PTPRR: variants seen among roughly 807,000 people sequenced by gnomAD.
PTPRR encodes protein tyrosine phosphatase receptor type R.
A neutral mutation model predicts 77.2 loss-of-function variants in PTPRR; 38 were observed. That is an observed-to-expected ratio of 0.49 (90% CI 0.38 to 0.65). The LOEUF (loss-of-function observed/expected upper bound fraction) is 0.65, where lower values mean the gene tolerates loss of function less well. PTPRR is among the 30% of genes least tolerant of loss of function. The pLI is 0.00. For synonymous variants in PTPRR, 299 were observed against 283.1 expected (o/e 1.06, Z -0.57); for missense variants, 744 against 799.2 (o/e 0.93, Z 0.83).
intron 2 of PTPRR, among the ~76,000 whole-genome samples, chr12:70,879,786 A>G (rs546790247): frequency 6.6e-6 from 1 of 152,336 alleles, no homozygotes; most frequent in African/African-American, 2.4e-5. Context: ...AGAATATGTT[A>G]CAGAAAAGAT....
chr12:70,754,467 C>T, intron 4 of PTPRR, 166 bp from the exon 5 acceptor site: 1 of 1,561,594 alleles, frequency 6.4e-7, no homozygotes. Context: ...AGACAACAGA[C>T]TGCCATCCTT....
intron 2 of PTPRR, among the ~76,000 whole-genome samples, chr12:70,876,659 G>A (rs1893057080): frequency 6.6e-6 from 1 of 152,148 alleles, no homozygotes; most frequent in South Asian, 2.1e-4. Context: ...TAGAGTGTGT[G>A]TTTAATTGTA....
chr12:70,776,645 G>A (rs567620067), intron 2 of PTPRR, among the ~76,000 whole-genome samples: 20 of 152,016 alleles, frequency 1.3e-4, no homozygotes, highest in African/African-American at 2.4e-4. Context: ...CATTGTTAGC[G>A]CACACCGGGA....
rs117292280 is a variant in PTPRR at position 70,736,921 on chromosome 12, C to T, written c.1007+8897G>A. Among the ~76,000 whole-genome samples the T allele has an allele frequency of 1.8e-3, 273 of 152,310 alleles. 3 individuals carry two copies. The East Asian group carries it at 0.02, about 11-fold the overall frequency. ...GAGTGTAAACTTAGCTCTGCTGCGA[C>T]CTTTGGCAAGTACAGTAATGCTGTT... On this transcript the variant is annotated intron_variant, in intron 6 of 13. Transcript: ENST00000283228.
rs371499905 is a variant in PTPRR at position 70,770,776 on chromosome 12, T to A, written c.358-5998A>T. Among the ~76,000 whole-genome samples the A allele has an allele frequency of 1.2e-4, 19 of 152,146 alleles. No homozygotes were observed. In the East Asian group the frequency reaches 2.7e-3, roughly 22 times the overall value. On this transcript the variant is annotated intron_variant, in intron 2 of 13. Transcript: ENST00000283228. ...ACCCAAATGTCCAACAATGATAGACTGGATTAAGAAAATGTGGCACATATA... is the reference window on the plus strand; with the variant it reads ...ACCCAAATGTCCAACAATGATAGACAGGATTAAGAAAATGTGGCACATATA...
chr12:70,765,324 G>T (rs375824997), intron 2 of PTPRR, among the ~76,000 whole-genome samples: 1 of 152,124 alleles, frequency 6.6e-6, no homozygotes, highest in African/African-American at 2.4e-5. Context: ...GCGCTTTTCC[G>T]ACGGGCTTAA....
At chr12:70,789,957 A>C (rs1891394737) in intron 2 of PTPRR, among the ~76,000 whole-genome samples, 1 of 152,212 alleles carries the variant, frequency 6.6e-6, no homozygotes, top group South Asian at 2.1e-4. Context: ...TTTGCAACAT[A>C]ATAGTAAAAA....
At chr12:70,721,212 T>C (rs1889239031) in intron 6 of PTPRR, among the ~76,000 whole-genome samples, 1 of 152,198 alleles carries the variant, frequency 6.6e-6, no homozygotes, top group African/African-American at 2.4e-5. Context: ...GTTAGAAATA[T>C]ACCGAGGAGT....
intron 10 of PTPRR, chr12:70,672,793 C>T: frequency 6.4e-7 from 1 of 1,563,334 alleles, no homozygotes; most frequent in Non-Finnish European, 8.7e-7. Flanking sequence ...TTCTGTCTTT[C>T]TCAAGAAGGG....
At chr12:70,909,141 G>T (rs1893665283) in intron 1 of PTPRR, among the ~76,000 whole-genome samples, 1 of 152,136 alleles carries the variant, frequency 6.6e-6, no homozygotes, top group Non-Finnish European at 1.5e-5. Flanking sequence ...TGAGGTATTG[G>T]GTACCAGAGG....
At chr12:70,777,684 CCT>C (rs1455383310) in intron 2 of PTPRR, among the ~76,000 whole-genome samples, 3 of 152,122 alleles carry the variant, frequency 2.0e-5, no homozygotes, top group Non-Finnish European at 4.4e-5. Context: ...CCTTCTCCAC[CCT>C]CTCTTTCTTC....
intron 2 of PTPRR, among the ~76,000 whole-genome samples, chr12:70,792,025 T>A (rs751129060): frequency 1.3e-5 from 2 of 152,214 alleles, no homozygotes; most frequent in African/African-American, 2.4e-5. Flanking sequence ...CCATTAGGTA[T>A]AGCACACCAG....
chr12:70,699,733 A>C (rs1437339924), intron 7 of PTPRR, among the ~76,000 whole-genome samples: 1 of 152,228 alleles, frequency 6.6e-6, no homozygotes, highest in South Asian at 2.1e-4. Flanking sequence ...AGTTATAAAA[A>C]TAAGCAAAAT....
intron 6 of PTPRR, among the ~76,000 whole-genome samples, chr12:70,739,130 A>G (rs904040188): frequency 5.3e-5 from 8 of 152,334 alleles, no homozygotes; most frequent in Admixed American, 5.2e-4. Context: ...GTTATATGAC[A>G]GGCTCAACTG....
chr12:70,825,150 G>T (rs1892087295), intron 2 of PTPRR, among the ~76,000 whole-genome samples: 1 of 151,852 alleles, frequency 6.6e-6, no homozygotes, highest in Admixed American at 6.6e-5. Flanking sequence ...AGGCGTGGTG[G>T]GCCTGTAGTC....
intron 6 of PTPRR, among the ~76,000 whole-genome samples, chr12:70,742,545 G>A (rs557690700): frequency 6.6e-6 from 1 of 152,284 alleles, no homozygotes; most frequent in African/African-American, 2.4e-5. Flanking sequence ...GCTGCCAAAG[G>A]CCAGATCAGA....
At chr12:70,733,360 C>CA (rs1221567721) in intron 6 of PTPRR, among the ~76,000 whole-genome samples, 2 of 126,762 alleles carry the variant, frequency 1.6e-5, no homozygotes, top group African/African-American at 3.1e-5. Context: ...AGGTATATAC[C>CA]AAAAAAAGAT....
chr12:70,724,708 C>G (rs773984394), intron 6 of PTPRR, among the ~76,000 whole-genome samples: 1 of 151,962 alleles, frequency 6.6e-6, no homozygotes, highest in Non-Finnish European at 1.5e-5. Context: ...TTGGTGCGTG[C>G]TCCTGCTGCA....
In PTPRR at chr12:70,872,709, A is replaced by AAAAAAAAAAAAC. The variant is rs1565726038; in HGVS notation, c.357+19958_357+19969dup. ...GACTCTGTCTCAAAAAAAAAAAAAA[A>AAAAAAAAAAAAC]AAAAAAAAAAACAATCCACCAAGTC... On this transcript the variant is annotated intron_variant, in intron 2 of 13. Coordinates refer to ENST00000283228, the MANE Select transcript of PTPRR (RefSeq NM_002849.4). Among the ~76,000 whole-genome samples the AAAAAAAAAAAAC allele has an allele frequency of 3.4e-5, 5 of 148,984 alleles. 1 individual carries two copies. Among genetic ancestry groups the AAAAAAAAAAAAC allele is most frequent in the Non-Finnish European group, 4.5e-5 (3 of 67,140 alleles).
Sources: gnomAD v4.1 joint callset for allele counts (sites outside exome capture counted in the v4.1 genomes callset) on GRCh38, gnomAD v4.1.1 for gene constraint, MANE v1.5 for transcripts, NCBI Gene and HGNC (gene_info 2026-07-23, HGNC 2026-07-21) for gene names.